Variants in NRXN3 observed in about 807,000 individuals in gnomAD.
The protein encoded by NRXN3 is neurexin III.
In NRXN3, 32 loss-of-function variants were observed where a neutral mutation model predicts 137.6. That is an observed-to-expected ratio of 0.23 (90% CI 0.18 to 0.31). The LOEUF (loss-of-function observed/expected upper bound fraction) is 0.31, where lower values mean the gene tolerates loss of function less well. Ranked by LOEUF, NRXN3 falls within the 10% of genes least tolerant of loss-of-function variation. The probability of loss-of-function intolerance (pLI) is 1.00; values close to 1 mark genes in which losing one functional copy is unlikely to be tolerated. For missense variants in NRXN3, 1,574 were observed against 2,062.5 expected (o/e 0.76, Z 4.59); for synonymous variants, 798 against 784.5 (o/e 1.02, Z -0.29).
chr14:79,301,394 G>C (rs752587778), intron 15 of NRXN3, among the ~76,000 whole-genome samples: 8 of 152,084 alleles, frequency 5.3e-5, no homozygotes, highest in Middle Eastern at 3.4e-3. Flanking sequence ...CATTAAGATG[G>C]GTTGTGGACA....
At chr14:78,227,630 G>C (rs2064848725) in intron 1 of NRXN3, among the ~76,000 whole-genome samples, 2 of 152,148 alleles carry the variant, frequency 1.3e-5, no homozygotes, top group South Asian at 4.2e-4. Flanking sequence ...GGTTCTCTGC[G>C]GTGACGTCCT....
chr14:78,281,303 CTCTTTTTTCCT>C (rs2074375442), intron 3 of NRXN3, among the ~76,000 whole-genome samples: 1 of 152,220 alleles, frequency 6.6e-6, no homozygotes, highest in South Asian at 2.1e-4. Context: ...AGTTCTCTGA[CTCTTTTTTCCT>C]TCCCCTCAGG....
chr14:78,510,461 A>G (rs1347486206), intron 4 of NRXN3, among the ~76,000 whole-genome samples: 1 of 152,222 alleles, frequency 6.6e-6, no homozygotes, highest in Non-Finnish European at 1.5e-5. Flanking sequence ...ATGTTTTCAA[A>G]GAATCCTACA....
intron 15 of NRXN3, among the ~76,000 whole-genome samples, chr14:79,412,782 C>CAAAAAA (rs71103803): frequency 2.0e-4 from 12 of 59,730 alleles, no homozygotes; most frequent in African/African-American, 2.6e-4. Context: ...GACTCTGTCT[C>CAAAAAA]AAAAAAAAAA....
intron 19 of NRXN3, among the ~76,000 whole-genome samples, chr14:79,773,810 AAAAAAT>A (rs950252415): frequency 8.7e-5 from 13 of 148,596 alleles, no homozygotes; most frequent in Non-Finnish European, 1.8e-4. Flanking sequence ...AAATAAAAAT[AAAAAAT>A]AAAAATAAAA....
chr14:79,806,440 A>T (rs1303428241), intron 20 of NRXN3, among the ~76,000 whole-genome samples: 1 of 152,122 alleles, frequency 6.6e-6, no homozygotes, highest in Non-Finnish European at 1.5e-5. Flanking sequence ...CATTAATATG[A>T]TAGGGCTTCC....
At chr14:78,940,522 C>G (rs752041978) in intron 10 of NRXN3, among the ~76,000 whole-genome samples, 1 of 152,162 alleles carries the variant, frequency 6.6e-6, no homozygotes, top group Non-Finnish European at 1.5e-5. Context: ...ATATATTTCT[C>G]CTTTTATCTC....
chr14:79,406,898 C>T (rs1486587464), intron 15 of NRXN3, among the ~76,000 whole-genome samples: 1 of 152,168 alleles, frequency 6.6e-6, no homozygotes, highest in Non-Finnish European at 1.5e-5. Flanking sequence ...ACCAGTATTA[C>T]TACAGCATAT....
chr14:79,145,609 C>T (rs1371224056), intron 15 of NRXN3, among the ~76,000 whole-genome samples: 1 of 152,162 alleles, frequency 6.6e-6, no homozygotes. Flanking sequence ...GACAGGTCTT[C>T]CTCAAAAGGA....
chr14:79,680,266 T>C (rs1292894423), intron 17 of NRXN3, among the ~76,000 whole-genome samples: 2 of 152,120 alleles, frequency 1.3e-5, no homozygotes, highest in Admixed American at 6.6e-5. Context: ...TCGCAGCTAT[T>C]TGGGCGGCTG....
At chr14:79,492,151 T>G (rs945128342) in intron 16 of NRXN3, among the ~76,000 whole-genome samples, 1 of 152,340 alleles carries the variant, frequency 6.6e-6, no homozygotes, top group Admixed American at 6.5e-5. Flanking sequence ...TTCTCAACTC[T>G]TGAGTTAGTG....
chr14:79,728,487 AG>A (rs1047037189), intron 19 of NRXN3, among the ~76,000 whole-genome samples: 1 of 152,154 alleles, frequency 6.6e-6, no homozygotes, highest in Non-Finnish European at 1.5e-5. Flanking sequence ...CACCACTTCC[AG>A]GGCAACCCTT....
chr14:78,660,348 C>A (rs1213567321), intron 6 of NRXN3, among the ~76,000 whole-genome samples: 1 of 151,486 alleles, frequency 6.6e-6, no homozygotes, highest in Non-Finnish European at 1.5e-5. Flanking sequence ...CATTCTCAAT[C>A]CAATGATTCA....
chr14:78,255,696 C>T (rs1567094248), intron 2 of NRXN3, among the ~76,000 whole-genome samples: 3 of 152,210 alleles, frequency 2.0e-5, no homozygotes, highest in African/African-American at 4.8e-5. Flanking sequence ...TTAGTTAATG[C>T]ACTTACAGGC....
intron 1 of NRXN3, among the ~76,000 whole-genome samples, chr14:78,222,519 T>C (rs1437474860): frequency 1.3e-5 from 2 of 152,148 alleles, no homozygotes; most frequent in African/African-American, 4.8e-5. Flanking sequence ...GGGGAGGAGA[T>C]AGTTTTAGGG....
chr14:78,459,308 G>A (rs1397453850), intron 4 of NRXN3, among the ~76,000 whole-genome samples: 2 of 152,194 alleles, frequency 1.3e-5, no homozygotes, highest in African/African-American at 2.4e-5. Context: ...TGAAAATGAA[G>A]AAGTTAAGGC....
chr14:78,602,687 T>C (rs1337915423), intron 4 of NRXN3, among the ~76,000 whole-genome samples: 1 of 152,140 alleles, frequency 6.6e-6, no homozygotes, highest in Admixed American at 6.5e-5. Context: ...AGAAGCAAAT[T>C]CCTACTCTGA....
intron 4 of NRXN3, among the ~76,000 whole-genome samples, chr14:78,365,383 G>A (rs2085766102): frequency 6.6e-6 from 1 of 152,230 alleles, no homozygotes; most frequent in African/African-American, 2.4e-5. Context: ...AGCAGAGTAA[G>A]GCTTTACTCC....
intron 16 of NRXN3, among the ~76,000 whole-genome samples, chr14:79,651,048 G>T (rs1433627647): frequency 6.6e-6 from 1 of 152,176 alleles, no homozygotes; most frequent in African/African-American, 2.4e-5. Flanking sequence ...GTATTTAATG[G>T]GAATCACGTG....
Sources: allele counts gnomAD v4.1 joint callset (sites outside exome capture counted in the v4.1 genomes callset), GRCh38; gene constraint gnomAD v4.1.1; transcripts MANE v1.5; gene names NCBI Gene and HGNC (gene_info 2026-07-23, HGNC 2026-07-21).